Variants in FDFT1 observed in about 807,000 individuals in gnomAD.
FDFT1 encodes the protein farnesyl-diphosphate farnesyltransferase 1, also known as squalene synthase.
In FDFT1, 68 loss-of-function variants were observed where a neutral mutation model predicts 46.8. That is an observed-to-expected ratio of 1.45 (90% CI 1.19 to 1.78). The LOEUF (loss-of-function observed/expected upper bound fraction) is 1.78. Among genes scored for constraint, FDFT1 ranks in the 40% most tolerant of loss-of-function variants. The pLI is 0.00. For missense variants in FDFT1, 928 were observed against 524.4 expected, an observed-to-expected ratio of 1.77 and a Z score of -7.52; for synonymous variants, 351 against 185.1, an observed-to-expected ratio of 1.90 and a Z score of -7.28.
chr8:11,816,925 G>A (rs1285269127), intron 3 of FDFT1, among the ~76,000 whole-genome samples: 1 of 152,148 alleles, frequency 6.6e-6, no homozygotes, highest in African/African-American at 2.4e-5. Flanking sequence ...GTGGTGAGAG[G>A]ACGGCATCCT....
intron 1 of FDFT1, among the ~76,000 whole-genome samples, chr8:11,806,076 G>C (rs1008834304): frequency 6.6e-6 from 1 of 152,170 alleles, no homozygotes; most frequent in African/African-American, 2.4e-5. Context: ...GGAAGGCTCC[G>C]TGGAGGGCTG....
chr8:11,803,593 GT>G, intron 1 of FDFT1: 1 of 676,906 alleles, frequency 1.5e-6, no homozygotes, highest in Non-Finnish European at 2.0e-6. Flanking sequence ...CATAGGAGGT[GT>G]TTTTATTCCA....
intron 1 of FDFT1, chr8:11,803,285 C>G: frequency 7.6e-7 from 1 of 1,321,914 alleles, no homozygotes; most frequent in Non-Finnish European, 9.9e-7. Context: ...CGGGAGAGGA[C>G]GAGTGAGTTT....
intron 1 of FDFT1, among the ~76,000 whole-genome samples, chr8:11,807,592 A>T (rs886731945): frequency 6.7e-6 from 1 of 149,740 alleles, no homozygotes; most frequent in African/African-American, 2.4e-5. Flanking sequence ...GCTCTAAAAA[A>T]TAGTCCATGA....
intron 1 of FDFT1, among the ~76,000 whole-genome samples, chr8:11,807,249 C>A (rs1806975937): frequency 6.6e-6 from 1 of 152,158 alleles, no homozygotes; most frequent in African/African-American, 2.4e-5. Flanking sequence ...GCGATCCTCC[C>A]ACCTCAGCCT....
rs1175702249 is a variant in FDFT1, at chr8:11,809,797, C to CG, written c.330dup (p.Phe111ValfsTer21). Reference sequence around the variant, plus strand: ...CTCTTTCCTTTACCAACCAGACTGGCGGTTCATGGAGAGCAAGGAGAAGGA... The same window carrying CG: ...CTCTTTCCTTTACCAACCAGACTGGCGGGTTCATGGAGAGCAAGGAGAAGGA... On this transcript the variant is annotated frameshift_variant, in exon 3 of 8. Coordinates refer to ENST00000220584, the MANE Select transcript of FDFT1 (RefSeq NM_004462.5). LOFTEE classifies it high-confidence loss of function. The CG allele has an allele frequency of 6.2e-7, 1 of 1,614,070 alleles. No homozygotes were observed. Among genetic ancestry groups the CG allele is most frequent in the South Asian group, 1.1e-5 (1 of 91,062 alleles).
At chr8:11,808,168 C>T in intron 1 of FDFT1, 2 of 772,018 alleles carry the variant, frequency 2.6e-6, no homozygotes, top group Non-Finnish European at 3.3e-6. Context: ...GATGCAAAGA[C>T]AGATGCGTTG....
At chr8:11,822,989 C>G (rs781128137) in intron 4 of FDFT1, among the ~76,000 whole-genome samples, 1 of 152,124 alleles carries the variant, frequency 6.6e-6, no homozygotes, top group Non-Finnish European at 1.5e-5. Context: ...CAGGGTCTTG[C>G]TGTTATCCAG....
intron 3 of FDFT1, among the ~76,000 whole-genome samples, chr8:11,819,971 A>G (rs1239906604): frequency 6.6e-6 from 1 of 152,060 alleles, no homozygotes; most frequent in Admixed American, 6.5e-5. Context: ...GTTTCTCCCC[A>G]TCTTTGTGGT....
At chr8:11,832,232 C>G (rs1202241718) in intron 7 of FDFT1, among the ~76,000 whole-genome samples, 3 of 148,994 alleles carry the variant, frequency 2.0e-5, no homozygotes, top group African/African-American at 7.6e-5. Context: ...CTTCTTAGGT[C>G]AAATCTCTAA....
chr8:11,821,936 A>T (rs189285587), intron 4 of FDFT1, 58 bp downstream of exon 4: 41 of 1,583,178 alleles, frequency 2.6e-5, no homozygotes, highest in Non-Finnish European at 3.5e-5. Flanking sequence ...GGCAGTCCTC[A>T]TAGTGAAGCT....
At chr8:11,823,105 C>G (rs1464544076) in intron 4 of FDFT1, among the ~76,000 whole-genome samples, 1 of 152,118 alleles carries the variant, frequency 6.6e-6, no homozygotes, top group Non-Finnish European at 1.5e-5. Context: ...CAGTGCATGA[C>G]ACCATACCAG....
chr8:11,804,424 C>T (rs970472207), intron 1 of FDFT1, among the ~76,000 whole-genome samples: 4 of 151,956 alleles, frequency 2.6e-5, no homozygotes, highest in South Asian at 4.1e-4. Context: ...TTTTTAAAAG[C>T]GAGACTTGAG....
At chr8:11,817,917 T>G (rs981074682) in intron 3 of FDFT1, among the ~76,000 whole-genome samples, 1 of 152,196 alleles carries the variant, frequency 6.6e-6, no homozygotes, top group Non-Finnish European at 1.5e-5. Flanking sequence ...TCAATTTGTT[T>G]GCTCTTGCTT....
At chr8:11,803,363 C>T (rs1806389613) in intron 1 of FDFT1, 1 of 1,290,270 alleles carries the variant, frequency 7.8e-7, no homozygotes, top group Non-Finnish European at 1.0e-6. Context: ...AAGTCTGACT[C>T]CTCCAGTTTC....
At chr8:11,807,195 G>A (rs1397842134) in intron 1 of FDFT1, among the ~76,000 whole-genome samples, 4 of 152,074 alleles carry the variant, frequency 2.6e-5, no homozygotes, top group Admixed American at 6.6e-5. Flanking sequence ...ACTCTGCAGT[G>A]TACAATATCA....
At chr8:11,821,920 A>G (rs370562067) in intron 4 of FDFT1, 42 bp downstream of exon 4, 20 of 1,598,242 alleles carry the variant, frequency 1.3e-5, no homozygotes, top group East Asian at 1.1e-4. Flanking sequence ...TGTATTAGAC[A>G]GAGCTGGCAG....
chr8:11,810,601 G>T (rs779241003), intron 3 of FDFT1, among the ~76,000 whole-genome samples: 3 of 152,146 alleles, frequency 2.0e-5, no homozygotes, highest in Non-Finnish European at 4.4e-5. Flanking sequence ...AGTAAAGTGG[G>T]TTATAGTTAA....
Position 11,831,665 on chromosome 8 carries a change from G to A in FDFT1, c.1027G>A (p.Glu343Lys). 6.2e-7 allele frequency: 1 copy of A among 1,611,728 alleles called. No individual in the cohort carries two copies. Among genetic ancestry groups the A allele is most frequent in the South Asian group, 1.1e-5 (1 of 90,940 alleles). The change falls in exon 7 of 8, where the codon GAA becomes AAA. Residue 343 changes from glutamate (E) to lysine (K), a missense_variant. Coordinates refer to ENST00000220584, the MANE Select transcript of FDFT1 (RefSeq NM_004462.5). ...CAAAGCCATCATATATCAGTATATG[G>A]AAGAGGTGGGTTTTTATTTAACTAC... Reference protein sequence around the residue: ...AVKAIIYQYMEEIYHRIPDSD... With the variant: ...AVKAIIYQYMKEIYHRIPDSD...
Sources: allele counts gnomAD v4.1 joint callset (sites outside exome capture counted in the v4.1 genomes callset), GRCh38; gene constraint gnomAD v4.1.1; transcripts MANE v1.5; gene names NCBI Gene and HGNC (gene_info 2026-07-23, HGNC 2026-07-21).